Variants in PBRM1 observed in about 807,000 individuals in gnomAD.
PBRM1 encodes polybromo 1.
In PBRM1, 27 loss-of-function variants were observed where a neutral mutation model predicts 194.5. The observed-to-expected ratio is 0.14, with a 90% CI of 0.10 to 0.19. PBRM1 has a LOEUF of 0.19. PBRM1 is among the 10% of genes least tolerant of loss of function. PBRM1 has a pLI of 1.00. For synonymous variants in PBRM1, 655 were observed against 693.2 expected (o/e 0.94, Z 0.87); for missense variants, 1,466 against 2,077.2 (o/e 0.71, Z 5.72).
chr3:52,595,078 T>C (rs1228229168), intron 17 of PBRM1, among the ~76,000 whole-genome samples: 2 of 152,198 alleles, frequency 1.3e-5, no homozygotes, highest in African/African-American at 4.8e-5. Flanking sequence ...TTTCCTGAAT[T>C]GCAATGTTGG....
chr3:52,634,125 C>T (rs2095712669), intron 11 of PBRM1, among the ~76,000 whole-genome samples: 1 of 152,066 alleles, frequency 6.6e-6, no homozygotes, highest in South Asian at 2.1e-4. Context: ...GATTTTCGTA[C>T]TTTGCTCAGT....
intron 17 of PBRM1, among the ~76,000 whole-genome samples, chr3:52,600,378 TTGAC>T (rs2093904773): frequency 6.6e-6 from 1 of 152,228 alleles, no homozygotes; most frequent in Non-Finnish European, 1.5e-5. Flanking sequence ...TTATTTTTCT[TTGAC>T]TGAGTTATTA....
chr3:52,674,660 A>ATG (rs2097054336), intron 2 of PBRM1, among the ~76,000 whole-genome samples: 1 of 146,168 alleles, frequency 6.8e-6, no homozygotes, highest in Non-Finnish European at 1.5e-5. Context: ...ATATATATAT[A>ATG]TATATACACA....
At chr3:52,679,590 A>C (rs1453215498) in exon 1 of PBRM1, 1 of 1,613,352 alleles carries the variant, frequency 6.2e-7, no homozygotes, top group Admixed American at 1.7e-5. Flanking sequence ...TACAGTTGGA[A>C]GATTGGAAAG....
intron 15 of PBRM1, among the ~76,000 whole-genome samples, chr3:52,611,303 T>G (rs1405715363): frequency 6.6e-6 from 1 of 152,172 alleles, no homozygotes; most frequent in African/African-American, 2.4e-5. Flanking sequence ...TTTCATGAAT[T>G]AATAATTAAT....
At chr3:52,587,260 G>A (rs2092524635) in intron 19 of PBRM1, 93 bp downstream of exon 21, 2 of 952,330 alleles carry the variant, frequency 2.1e-6, no homozygotes. Context: ...TTAAAACAGA[G>A]TTCCTAATTT....
chr3:52,632,313 G>C (rs958043407), intron 11 of PBRM1, among the ~76,000 whole-genome samples: 2 of 152,128 alleles, frequency 1.3e-5, no homozygotes, highest in Admixed American at 1.3e-4. Context: ...GCCGGGTATG[G>C]TGGCTCACAC....
At chr3:52,677,135 T>C (rs1578316519) in intron 2 of PBRM1, among the ~76,000 whole-genome samples, 1 of 152,178 alleles carries the variant, frequency 6.6e-6, no homozygotes, top group Non-Finnish European at 1.5e-5. Flanking sequence ...CTTCATGATA[T>C]TGGATTTGGC....
At chr3:52,607,464 T>C (rs1204817187) in intron 16 of PBRM1, among the ~76,000 whole-genome samples, 1 of 152,198 alleles carries the variant, frequency 6.6e-6, no homozygotes, top group Non-Finnish European at 1.5e-5. Context: ...GCTAATTTCC[T>C]AGAGATACAA....
chr3:52,657,390 T>C (rs1047639686), intron 5 of PBRM1, among the ~76,000 whole-genome samples: 1 of 152,202 alleles, frequency 6.6e-6, no homozygotes, highest in African/African-American at 2.4e-5. Context: ...ATCATAACCT[T>C]CTGATCATGT....
chr3:52,561,788 C>T (rs2153488682), exon 25 of PBRM1: 1 of 1,614,068 alleles, frequency 6.2e-7, no homozygotes, highest in Non-Finnish European at 8.5e-7. Context: ...GCTTTCTTGG[C>T]TGTCTCAAGA....
chr3:52,594,960 C>G (rs2093420159), intron 17 of PBRM1, among the ~76,000 whole-genome samples: 1 of 151,962 alleles, frequency 6.6e-6, no homozygotes, highest in Non-Finnish European at 1.5e-5. Context: ...TCTGGGCTTC[C>G]CTTTGAAGGT....
intron 19 of PBRM1, 150 bp from the exon 22 acceptor site, chr3:52,586,838 A>T (rs2092465317): frequency 1.6e-6 from 1 of 617,282 alleles, no homozygotes. Flanking sequence ...AAAAATAATA[A>T]ATGACCAGAG....
At chr3:52,627,132 C>T in intron 13 of PBRM1, 141 bp downstream of exon 14, 1 of 497,638 alleles carries the variant, frequency 2.0e-6, no homozygotes, top group Non-Finnish European at 3.6e-6. Flanking sequence ...CATCCAATTG[C>T]AAATGAATTT....
chr3:52,596,781 G>A (rs920110336), intron 17 of PBRM1, among the ~76,000 whole-genome samples: 1 of 151,484 alleles, frequency 6.6e-6, no homozygotes, highest in African/African-American at 2.4e-5. Flanking sequence ...TGACTTTTTC[G>A]GAGCTGCCCA....
chr3:52,675,298 A>G (rs1176730210), intron 2 of PBRM1, among the ~76,000 whole-genome samples: 1 of 152,236 alleles, frequency 6.6e-6, no homozygotes, highest in Non-Finnish European at 1.5e-5. Context: ...TCAAGAACTA[A>G]CACACCAAGC....
exon 8 of PBRM1, chr3:52,644,787 A>G (rs1472734102): frequency 1.0e-5 from 14 of 1,399,622 alleles, no homozygotes; most frequent in Non-Finnish European, 1.4e-5. Context: ...TTGAATTTGC[A>G]TCCTGTCAAG....
intron 26 of PBRM1, among the ~76,000 whole-genome samples, chr3:52,555,722 C>A (rs181830332): frequency 1.1e-3 from 160 of 152,264 alleles, no homozygotes; most frequent in Admixed American, 4.1e-3. Flanking sequence ...ATTTGAGGTA[C>A]ACAATTTCTG....
intron 10 of PBRM1, among the ~76,000 whole-genome samples, chr3:52,639,311 C>G (rs2095972955): frequency 6.6e-6 from 1 of 152,102 alleles, no homozygotes; most frequent in African/African-American, 2.4e-5. Flanking sequence ...TCTGTATGCT[C>G]TCCTCCCCGC....
Sources: gnomAD v4.1 joint callset for allele counts (sites outside exome capture counted in the v4.1 genomes callset) on GRCh38, gnomAD v4.1.1 for gene constraint, MANE v1.5 for transcripts, NCBI Gene and HGNC (gene_info 2026-07-23, HGNC 2026-07-21) for gene names.